Variants in PDE3B observed in about 807,000 individuals in gnomAD.
PDE3B encodes the protein cGMP-inhibited 3',5'-cyclic phosphodiesterase 3B.
A neutral mutation model predicts 116.8 loss-of-function variants in PDE3B; 66 were observed. That is an observed-to-expected ratio of 0.56 (90% CI 0.46 to 0.69). The LOEUF (loss-of-function observed/expected upper bound fraction) is 0.69. Ranked by LOEUF, PDE3B falls within the 30% of genes least tolerant of loss-of-function variation. The pLI is 0.00. For missense variants in PDE3B, 1,384 were observed against 1,368.1 expected, an observed-to-expected ratio of 1.01 and a Z score of -0.18; for synonymous variants, 595 against 533.6, an observed-to-expected ratio of 1.12 and a Z score of -1.59.
intron 1 of PDE3B, among the ~76,000 whole-genome samples, chr11:14,688,951 T>G (rs952813977): frequency 1.3e-5 from 2 of 152,148 alleles, no homozygotes; most frequent in East Asian, 3.9e-4. Context: ...TTTTGTATTT[T>G]TAGTAGAGGT....
chr11:14,662,900 GA>G (rs1270016658), intron 1 of PDE3B, among the ~76,000 whole-genome samples: 4 of 152,158 alleles, frequency 2.6e-5, no homozygotes, highest in African/African-American at 9.7e-5. Flanking sequence ...TATTATCTAG[GA>G]GAACTTCCCC....
At chr11:14,887,572 G>A in the PDE3B span, 7 of 982,540 alleles carry the variant, frequency 7.1e-6, no homozygotes, top group Non-Finnish European at 8.5e-6. Flanking sequence ...TGCCAATTAT[G>A]GGCTAATTAT....
At position 14,851,321 on chromosome 11, in the gene PDE3B, T is replaced by G. The variant is rs891115181; in HGVS notation, c.2520+7295T>G. On this transcript the variant is annotated intron_variant, in intron 12 of 15. Coordinates refer to ENST00000282096, the MANE Select transcript of PDE3B (RefSeq NM_000922.4). Reference sequence around the variant, plus strand: ...CACTTCTTTATTCTATGTTTAAACCTTGGCTCTGATCCTTTCATTTTCTGT... The same window carrying G: ...CACTTCTTTATTCTATGTTTAAACCGTGGCTCTGATCCTTTCATTTTCTGT... Among the ~76,000 whole-genome samples, 24 of 152,168 alleles carry G rather than the reference T, an allele frequency of 1.6e-4. 1 individual carries two copies. Among genetic ancestry groups the G allele is most frequent in the Non-Finnish European group, 2.4e-4 (16 of 68,034 alleles).
chr11:14,662,185 C>T (rs1472468031), intron 1 of PDE3B, among the ~76,000 whole-genome samples: 1 of 152,184 alleles, frequency 6.6e-6, no homozygotes, highest in Non-Finnish European at 1.5e-5. Flanking sequence ...GCTGCTGTTA[C>T]CCAGGCAAAC....
At chr11:14,825,036 C>G (rs1041143366) in intron 7 of PDE3B, among the ~76,000 whole-genome samples, 1 of 152,030 alleles carries the variant, frequency 6.6e-6, no homozygotes, top group South Asian at 2.1e-4. Context: ...ACTAAGCTTC[C>G]TCAGTGAAGG....
At chr11:14,672,466 A>T (rs1052167268) in intron 1 of PDE3B, among the ~76,000 whole-genome samples, 12 of 152,210 alleles carry the variant, frequency 7.9e-5, no homozygotes, top group Admixed American at 7.9e-4. Context: ...GGGGTGAAAC[A>T]CAAATCAGAA....
At chr11:14,800,248 C>T (rs1254169767) in intron 4 of PDE3B, among the ~76,000 whole-genome samples, 1 of 151,944 alleles carries the variant, frequency 6.6e-6, no homozygotes, top group African/African-American at 2.4e-5. Flanking sequence ...TGGCGGATCA[C>T]GAGGTCAGGA....
intron 1 of PDE3B, among the ~76,000 whole-genome samples, chr11:14,714,647 G>C (rs939652024): frequency 9.3e-4 from 141 of 152,154 alleles, no homozygotes; most frequent in African/African-American, 3.2e-3. Context: ...CCCCAAGATG[G>C]TGCCAATGTG....
intron 1 of PDE3B, among the ~76,000 whole-genome samples, chr11:14,650,503 A>G (rs76229541): frequency 0.021 from 3,181 of 152,316 alleles, 114 homozygotes; most frequent in African/African-American, 0.073. Flanking sequence ...TTATGTGGCA[A>G]AATGGACTTT....
intron 1 of PDE3B, among the ~76,000 whole-genome samples, chr11:14,710,567 C>T (rs1348927531): frequency 2.6e-5 from 4 of 152,108 alleles, no homozygotes; most frequent in South Asian, 2.1e-4. Context: ...ACCTCTCTAC[C>T]GGAATTACAA....
intron 1 of PDE3B, among the ~76,000 whole-genome samples, chr11:14,759,858 T>G (rs1857306168): frequency 6.6e-6 from 1 of 152,082 alleles, no homozygotes; most frequent in Non-Finnish European, 1.5e-5. Context: ...CAGATATTGT[T>G]TTAAGTGGTT....
chr11:14,830,827 A>G lies in PDE3B; in HGVS notation c.1937A>G (p.Gln646Arg), dbSNP rs749789450. Residue 646 changes from glutamine (Q) to arginine (R), a missense_variant, in exon 8 of 16, where the codon CAG (glutamine) becomes CGG (arginine). Gln to Arg is a conservative substitution (Grantham distance 43). Around this residue, in one of 2 missense-constraint regions of PDE3B, gnomAD observed 956 missense variants for 806.8 expected, o/e 1.18. Coordinates refer to ENST00000282096, the MANE Select transcript of PDE3B (RefSeq NM_000922.4). ...GATAAGTGGCTAACAGAAGAGGCAC[A>G]GAGTGAACAGCAAACAAATGTAAAA... ...EGDKWLTEEA[Q>R]SEQQTNIEQE... The G allele has an allele frequency of 6.6e-7, 1 of 1,504,022 alleles. No homozygotes were observed. Among genetic ancestry groups the G allele is most frequent in the South Asian group, 1.4e-5 (1 of 71,436 alleles). 93.2% of individuals were successfully genotyped at this position (1,504,022 alleles called of 1,614,324 possible). A position where few individuals can be genotyped will look rare whatever the true frequency, so the allele number is the denominator to read the frequency against.
intron 5 of PDE3B, among the ~76,000 whole-genome samples, chr11:14,806,224 A>AG (rs1222027008): frequency 2.0e-5 from 3 of 149,592 alleles, no homozygotes; most frequent in African/African-American, 7.4e-5. Context: ...AGGCCAAGGC[A>AG]GGCGGATCAT....
At chr11:14,666,686 C>A (rs1472399892) in intron 1 of PDE3B, among the ~76,000 whole-genome samples, 1 of 150,954 alleles carries the variant, frequency 6.6e-6, no homozygotes, top group African/African-American at 2.4e-5. Context: ...TGAAAAAATG[C>A]TCATCATCAC....
At chr11:14,886,126 T>G in the PDE3B span, 3 of 576,594 alleles carry the variant, frequency 5.2e-6, no homozygotes, top group Non-Finnish European at 9.3e-6. Context: ...ATTCAGTGCC[T>G]AAAGTCACAG....
At chr11:14,887,630 C>T in the PDE3B span, 1 of 985,322 alleles carries the variant, frequency 1.0e-6, no homozygotes, top group Non-Finnish European at 1.2e-6. Flanking sequence ...TTTTCCTTGC[C>T]TTCTAGATCA....
intron 5 of PDE3B, among the ~76,000 whole-genome samples, chr11:14,814,482 A>C (rs1043247138): frequency 2.0e-5 from 3 of 152,186 alleles, no homozygotes; most frequent in Non-Finnish European, 4.4e-5. Context: ...AATTTAAAAC[A>C]CCATTTACCA....
chr11:14,897,682 T>C, the PDE3B span, among the ~76,000 whole-genome samples: 2 of 152,202 alleles, frequency 1.3e-5, no homozygotes, highest in African/African-American at 4.8e-5. Context: ...ACTGGCATTT[T>C]AAGCATCAGA....
intron 1 of PDE3B, among the ~76,000 whole-genome samples, chr11:14,658,833 C>T (rs1260684785): frequency 1.3e-5 from 2 of 152,146 alleles, no homozygotes; most frequent in African/African-American, 4.8e-5. Context: ...ATAGGCCTTT[C>T]CTGTCTCTAC....
Sources: gnomAD v4.1 joint callset for allele counts (sites outside exome capture counted in the v4.1 genomes callset) on GRCh38, gnomAD v4.1.1 for gene constraint, gnomAD v4.1.1 regional missense constraint, MANE v1.5 for transcripts, NCBI Gene and HGNC (gene_info 2026-07-23, HGNC 2026-07-21) for gene names.